Variants in RUVBL2 observed in about 807,000 individuals in gnomAD.
RUVBL2 encodes the protein RuvB like AAA ATPase 2.
RUVBL2 carries 9 observed loss-of-function variants against 57.9 expected under a neutral mutation model. The observed-to-expected ratio is 0.16, with a 90% CI of 0.09 to 0.27. The LOEUF is 0.27. Ranked by LOEUF, RUVBL2 falls within the 10% of genes least tolerant of loss-of-function variation. The pLI is 1.00. For missense variants in RUVBL2, 456 were observed against 669.6 expected, an observed-to-expected ratio of 0.68 and a Z score of 3.52; for synonymous variants, 278 against 264.6, an observed-to-expected ratio of 1.05 and a Z score of -0.49.
chr19:48,994,120 A>T, intron 1 of RUVBL2, 197 bp downstream of exon 1: 71 of 57,664 alleles, frequency 1.2e-3, no homozygotes, highest in East Asian at 2.6e-3. Flanking sequence ...TCTGGATCTG[A>T]GGCGGGGAGG....
intron 1 of RUVBL2, among the ~76,000 whole-genome samples, chr19:48,998,334 A>AGCAT (rs1310507340): frequency 2.0e-5 from 3 of 152,164 alleles, no homozygotes; most frequent in Non-Finnish European, 4.4e-5. Flanking sequence ...CAGGGGCCAG[A>AGCAT]GCATGTCCAG....
intron 13 of RUVBL2, 126 bp from the exon 14 acceptor site, chr19:49,015,446 G>A (rs2122665970): frequency 1.2e-6 from 1 of 811,420 alleles, no homozygotes; most frequent in East Asian, 2.5e-5. Flanking sequence ...AGGCAATCTG[G>A]CCCAGAATGC....
chr19:49,011,476 G>A lies in RUVBL2; in HGVS notation c.1001+166G>A, dbSNP rs944531836. Reference sequence around the variant, plus strand: ...CGGGTGGGAGGCAGCTCTGCTTCCCGAGGAAGCCCAGAGACTGTGTTCTTG... The same window carrying A: ...CGGGTGGGAGGCAGCTCTGCTTCCCAAGGAAGCCCAGAGACTGTGTTCTTG... On this transcript the variant is annotated intron_variant, in intron 11 of 14. Transcript: ENST00000595090. The surrounding 1 kb of genome is among the most constrained non-coding windows in gnomAD (Gnocchi z 4.4). Among the ~76,000 whole-genome samples, 1 of 152,134 alleles carries A rather than the reference G, an allele frequency of 6.6e-6. No homozygotes were observed. The highest frequency in any genetic ancestry group is 1.5e-5 in the Non-Finnish European group (1 of 68,008).
intron 13 of RUVBL2, 176 bp from the exon 14 acceptor site, chr19:49,015,396 G>A: frequency 1.4e-6 from 1 of 710,076 alleles, no homozygotes. Flanking sequence ...TGAAGAGGCT[G>A]GGCCCACAAC....
At chr19:49,004,558 A>C in intron 4 of RUVBL2, 140 bp downstream of exon 4, 1 of 848,184 alleles carries the variant, frequency 1.2e-6, no homozygotes, top group Non-Finnish European at 1.8e-6. Context: ...ATTCTTGCCC[A>C]TGGAAGAATC....
rs186222292 is a variant in RUVBL2, at chr19:48,997,565, G to T, written c.13-1754G>T. 3.8e-3 allele frequency among the ~76,000 whole-genome samples: 566 copies of T among 150,792 alleles called. 3 individuals are homozygous for T. Among genetic ancestry groups the T allele is most frequent in the Middle Eastern group, 0.027 (8 of 292 alleles). On this transcript the variant is annotated intron_variant, in intron 1 of 14. Coordinates refer to ENST00000595090, the MANE Select transcript of RUVBL2 (RefSeq NM_006666.3). ...AATCACTTGAACCCAGGAAGCAGAG[G>T]TTGTAGTGAGCCAAGATTGCGCCAT...
At chr19:49,000,851 AAAAC>A (rs1014466530) in intron 2 of RUVBL2, among the ~76,000 whole-genome samples, 28 of 151,130 alleles carry the variant, frequency 1.9e-4, no homozygotes, top group South Asian at 4.2e-4. Context: ...CTCCATCTCA[AAAAC>A]AAACAAAAAG....
chr19:49,010,702 C>A, intron 9 of RUVBL2, 91 bp downstream of exon 9: 4 of 1,539,474 alleles, frequency 2.6e-6, no homozygotes, highest in East Asian at 4.5e-5. Flanking sequence ...CCGAGTGTGG[C>A]CCACCTGCTC....
upstream of RUVBL2, chr19:48,993,485 G>A (rs2122554349): frequency 7.0e-6 from 3 of 427,810 alleles, no homozygotes; most frequent in South Asian, 2.1e-5. Context: ...ACCTCCAGGG[G>A]GCGGAGCTTG....
In RUVBL2 at chr19:49,010,980, C is replaced by G; in HGVS notation, c.788-19C>G. On this transcript the variant is annotated intron_variant, in intron 9 of 14. Transcript: ENST00000595090. ...CGCCTCCTCTCTGGCTTCCCTGATG[C>G]AACCTGTGCCTCCCATAGGTGACAC... is the stretch of plus-strand genomic sequence containing the variant. 1 of 1,603,190 alleles carries G rather than the reference C, an allele frequency of 6.2e-7. No homozygotes were observed. The highest frequency in any genetic ancestry group is 8.5e-7 in the Non-Finnish European group (1 of 1,174,490).
In RUVBL2 at chr19:49,009,955, C is replaced by G. The variant is rs868621847; in HGVS notation, c.570-18C>G. ...TGGGCCCATTCCTTTCCTTACCCTA[C>G]CCCCCATCCCCCTGTAGGGACGTGA... On this transcript the variant is annotated intron_variant, in intron 7 of 14. Coordinates refer to ENST00000595090, the MANE Select transcript of RUVBL2 (RefSeq NM_006666.3). The G allele has an allele frequency of 1.7e-5, 27 of 1,605,418 alleles. No homozygotes were observed. Among genetic ancestry groups the G allele is most frequent in the Non-Finnish European group, 2.2e-5 (26 of 1,174,000 alleles).
rs1246322321 is a variant in RUVBL2, at chr19:49,015,884, G to C, written c.*42G>C. ...CGACCCCACCCTGTTTTCCACCAGA[G>C]TTCTGACACTGTGACTCTGTATAAA... On this transcript the variant is annotated 3_prime_UTR_variant, in exon 15 of 15. Coordinates refer to ENST00000595090, the MANE Select transcript of RUVBL2 (RefSeq NM_006666.3). The C allele has an allele frequency of 1.2e-6, 2 of 1,614,176 alleles. No homozygotes were observed. The highest frequency in any genetic ancestry group is 1.1e-5 in the South Asian group (1 of 91,084).
At chr19:49,005,057 C>T (rs1446924632) in intron 4 of RUVBL2, among the ~76,000 whole-genome samples, 1 of 151,904 alleles carries the variant, frequency 6.6e-6, no homozygotes, top group East Asian at 1.9e-4. Flanking sequence ...ACCCAGCAGT[C>T]TTTGTTGCAG....
chr19:49,006,609 G>T (rs957428947), intron 4 of RUVBL2, among the ~76,000 whole-genome samples: 3 of 152,252 alleles, frequency 2.0e-5, no homozygotes, highest in African/African-American at 7.2e-5. Context: ...GATCTGGGAT[G>T]GGAGCCGAGG....
At position 49,010,473 on chromosome 19, in the gene RUVBL2, A is replaced by G; in HGVS notation, c.664-15A>G. The G allele has an allele frequency of 8.0e-6, 6 of 753,950 alleles. No individual in the cohort carries two copies. The highest frequency in any genetic ancestry group is 1.2e-5 in the Non-Finnish European group (6 of 503,130). 46.7% of individuals were successfully genotyped at this position (753,950 alleles called of 1,614,324 possible). ...GCCCTGTCTCCGCCGTTCTTCCCCC[A>G]CCCCCGCCCCATAGACCAAGTTCGT... On this transcript the variant is annotated splice_polypyrimidine_tract_variant and intron_variant, in intron 8 of 14. Coordinates refer to ENST00000595090, the MANE Select transcript of RUVBL2 (RefSeq NM_006666.3).
intron 4 of RUVBL2, among the ~76,000 whole-genome samples, 167 bp from the exon 5 acceptor site, chr19:49,006,851 C>T (rs887163583): frequency 6.6e-6 from 1 of 152,274 alleles, no homozygotes; most frequent in African/African-American, 2.4e-5. Flanking sequence ...CCCCGCTCTC[C>T]AGTTCCCCCT....
At chr19:48,994,914 C>CT (rs922678438) in intron 1 of RUVBL2, 14 of 151,552 alleles carry the variant, frequency 9.2e-5, no homozygotes, top group African/African-American at 3.4e-4. Context: ...AAGCGAGACT[C>CT]TGTCTCCAAA....
intron 11 of RUVBL2, among the ~76,000 whole-genome samples, chr19:49,013,371 ACTTTTTTTGTGC>A (rs2122653650): frequency 6.8e-6 from 1 of 146,970 alleles, no homozygotes; most frequent in East Asian, 2.0e-4. Flanking sequence ...AAGTGTTGTC[ACTTTTTTTGTGC>A]CTTTTTTTTT....
chr19:49,014,012 G>A (rs992390064), intron 11 of RUVBL2, among the ~76,000 whole-genome samples: 69 of 152,340 alleles, frequency 4.5e-4, no homozygotes, highest in African/African-American at 1.5e-3. Flanking sequence ...GCCGAGGCTC[G>A]AGAGAGCCTA....
Sources: allele counts gnomAD v4.1 joint callset (sites outside exome capture counted in the v4.1 genomes callset), GRCh38; gene constraint gnomAD v4.1.1; non-coding constraint Gnocchi (gnomAD v3.1); transcripts MANE v1.5; gene names NCBI Gene and HGNC (gene_info 2026-07-23, HGNC 2026-07-21).